CHD9: variants seen among roughly 807,000 people sequenced by gnomAD.
CHD9 encodes the protein ATP-dependent chromatin remodeler CHD9.
A neutral mutation model predicts 316.1 loss-of-function variants in CHD9; 77 were observed. The observed-to-expected ratio is 0.24, with a 90% CI of 0.20 to 0.29. The LOEUF (loss-of-function observed/expected upper bound fraction) is 0.29, where lower values mean the gene tolerates loss of function less well. Ranked by LOEUF, CHD9 falls within the 10% of genes least tolerant of loss-of-function variation. CHD9 has a pLI of 1.00. For synonymous variants in CHD9, 1,129 were observed against 1,158.3 expected, an observed-to-expected ratio of 0.97 and a Z score of 0.51; for missense variants, 2,763 against 3,438.1, an observed-to-expected ratio of 0.80 and a Z score of 4.91.
Position 53,324,792 on chromosome 16 carries a change from A to G in CHD9, c.8591A>G (p.Asn2864Ser), listed in dbSNP as rs2057483047. Residue 2864 changes from asparagine to serine, a missense_variant, in exon 39 of 39, where the codon AAT becomes AGT. Coordinates refer to ENST00000447540, the MANE Select transcript of CHD9 (RefSeq NM_001308319.2). ...DKGGTEPSPLNENSTDEGSEK... is the reference protein window; with the variant it reads ...DKGGTEPSPLSENSTDEGSEK... The stretch of plus-strand genomic sequence containing the variant: ...GGAGGAACTGAACCAAGTCCTCTCA[A>G]TGAAAACAGCACAGATGAGGGTTCA... 1 of 1,613,234 alleles carries G rather than the reference A, an allele frequency of 6.2e-7. No individual in the cohort carries two copies. Among genetic ancestry groups the G allele is most frequent in the Non-Finnish European group, 8.5e-7 (1 of 1,179,564 alleles).
chr16:53,078,430 A>T (rs1360786830), intron 1 of CHD9, among the ~76,000 whole-genome samples: 1 of 152,160 alleles, frequency 6.6e-6, no homozygotes. Context: ...CTGCCACCTG[A>T]TGACACAGCA....
chr16:53,106,082 A>G (rs533231721), intron 1 of CHD9, among the ~76,000 whole-genome samples: 1 of 152,182 alleles, frequency 6.6e-6, no homozygotes, highest in East Asian at 1.9e-4. Flanking sequence ...AGCCTCCCAA[A>G]GTGCTGGGAT....
chr16:53,313,495 G>A (rs1046006970), intron 34 of CHD9, among the ~76,000 whole-genome samples: 7 of 152,062 alleles, frequency 4.6e-5, no homozygotes, highest in South Asian at 2.1e-4. Context: ...TAGTAGAGAC[G>A]TGTTTTTGCC....
At chr16:53,248,458 A>G (rs1024597835) in intron 16 of CHD9, among the ~76,000 whole-genome samples, 10 of 151,674 alleles carry the variant, frequency 6.6e-5, no homozygotes, top group African/African-American at 2.4e-4. Flanking sequence ...AGAGAATCAG[A>G]AATTTCAGCT....
At chr16:53,313,494 C>T (rs949899174) in intron 34 of CHD9, among the ~76,000 whole-genome samples, 1 of 151,938 alleles carries the variant, frequency 6.6e-6, no homozygotes, top group African/African-American at 2.4e-5. Flanking sequence ...TTAGTAGAGA[C>T]GTGTTTTTGC....
At chr16:53,094,983 A>G (rs1216866598) in intron 1 of CHD9, among the ~76,000 whole-genome samples, 2 of 152,084 alleles carry the variant, frequency 1.3e-5, no homozygotes, top group Non-Finnish European at 2.9e-5. Flanking sequence ...GTTATTCACA[A>G]TATTTGACTC....
At chr16:53,193,054 G>A (rs1186088833) in intron 2 of CHD9, among the ~76,000 whole-genome samples, 1 of 152,038 alleles carries the variant, frequency 6.6e-6, no homozygotes, top group Non-Finnish European at 1.5e-5. Context: ...ATACTAAACT[G>A]TTGTCCAAAG....
At position 53,308,817 on chromosome 16, in the gene CHD9, C is replaced by T. The variant is rs1303453111; in HGVS notation, c.7185C>T (p.Thr2395=). Residue 2395 remains threonine, a synonymous_variant, in exon 34 of 39, where the codon ACC becomes ACT. Coordinates refer to ENST00000447540, the MANE Select transcript of CHD9 (RefSeq NM_001308319.2). ...RLRELQSASE[T]SLVNFPKSIP... is the part of the protein sequence containing the mutation. ...GAGAGCTTCAAAGTGCATCAGAGAC[C>T]AGCCTCGTCAATTTCCCAAAATCCA... 1 of 1,613,712 alleles carries T rather than the reference C, an allele frequency of 6.2e-7. No individual in the cohort carries two copies. Among genetic ancestry groups the T allele is most frequent in the Admixed American group, 1.7e-5 (1 of 59,994 alleles).
intron 24 of CHD9, among the ~76,000 whole-genome samples, chr16:53,284,376 T>G (rs1351268565): frequency 2.0e-5 from 3 of 151,404 alleles, no homozygotes; most frequent in African/African-American, 7.3e-5. Context: ...ATATACATAT[T>G]TGTGTATGTA....
intron 3 of CHD9, among the ~76,000 whole-genome samples, chr16:53,214,358 C>G (rs2152884804): frequency 6.6e-6 from 1 of 152,200 alleles, no homozygotes; most frequent in African/African-American, 2.4e-5. Context: ...GCCCTGCTTG[C>G]AAGGTTTTCA....
intron 1 of CHD9, among the ~76,000 whole-genome samples, chr16:53,128,190 T>A (rs1163254120): frequency 6.6e-6 from 1 of 152,036 alleles, no homozygotes; most frequent in African/African-American, 2.4e-5. Context: ...AGACATTTTT[T>A]TTTTTCTTTT....
At chr16:53,262,601 A>G (rs554933340) in intron 19 of CHD9, among the ~76,000 whole-genome samples, 6 of 152,308 alleles carry the variant, frequency 3.9e-5, no homozygotes, top group African/African-American at 1.4e-4. Context: ...AACTAGAAAT[A>G]TACCAGAAAA....
At chr16:53,095,152 A>G (rs1197292045) in intron 1 of CHD9, among the ~76,000 whole-genome samples, 2 of 152,114 alleles carry the variant, frequency 1.3e-5, no homozygotes, top group African/African-American at 2.4e-5. Context: ...CCTATTCTGA[A>G]TATTGAGTTC....
chr16:53,211,337 G>A (rs1224194058), intron 3 of CHD9, among the ~76,000 whole-genome samples: 1 of 152,138 alleles, frequency 6.6e-6, no homozygotes, highest in African/African-American at 2.4e-5. Context: ...TTTTAGAAAA[G>A]TGAATTAATA....
chr16:53,144,224 C>T (rs781701128), intron 1 of CHD9, among the ~76,000 whole-genome samples: 1 of 151,940 alleles, frequency 6.6e-6, no homozygotes, highest in Non-Finnish European at 1.5e-5. Flanking sequence ...TCTTGGGAGA[C>T]TATGAAGTTT....
chr16:53,062,210 T>G (rs1202237512), intron 1 of CHD9, among the ~76,000 whole-genome samples: 1 of 152,180 alleles, frequency 6.6e-6, no homozygotes, highest in Non-Finnish European at 1.5e-5. Flanking sequence ...AAGACAGCAG[T>G]CCTCCAGTTC....
At chr16:53,277,293 G>A (rs927197090) in intron 24 of CHD9, among the ~76,000 whole-genome samples, 1 of 151,996 alleles carries the variant, frequency 6.6e-6, no homozygotes, top group African/African-American at 2.4e-5. Context: ...AACCAGGAAA[G>A]GACATAACTG....
At chr16:53,287,446 G>A (rs72799639) in intron 26 of CHD9, among the ~76,000 whole-genome samples, 1,710 of 152,306 alleles carry the variant, frequency 0.011, 17 homozygotes, top group Non-Finnish European at 0.018. Flanking sequence ...GCGAACTCGC[G>A]GCTGGATGCA....
intron 1 of CHD9, among the ~76,000 whole-genome samples, chr16:53,142,080 A>G (rs999507733): frequency 5.3e-5 from 8 of 152,222 alleles, no homozygotes; most frequent in African/African-American, 1.9e-4. Context: ...ATCATAAAAT[A>G]TGATATTGTT....
Sources: gnomAD v4.1 joint callset for allele counts (sites outside exome capture counted in the v4.1 genomes callset) on GRCh38, gnomAD v4.1.1 for gene constraint, MANE v1.5 for transcripts, NCBI Gene and HGNC (gene_info 2026-07-23, HGNC 2026-07-21) for gene names.